AP2A2: variants seen among roughly 807,000 people sequenced by gnomAD.
AP2A2 encodes adaptor related protein complex 2 subunit alpha 2, also known as AP-2 complex subunit alpha-2.
AP2A2 carries 32 observed loss-of-function variants against 104.2 expected under a neutral mutation model. That is an observed-to-expected ratio of 0.31 (90% CI 0.23 to 0.41). The LOEUF (loss-of-function observed/expected upper bound fraction) is 0.41, where lower values mean the gene tolerates loss of function less well. AP2A2 is among the 10% of genes least tolerant of loss of function. The pLI is 1.00. For missense variants in AP2A2, 912 were observed against 1,261.0 expected (o/e 0.72, Z 4.19); for synonymous variants, 539 against 533.3 (o/e 1.01, Z -0.15).
At chr11:959,231 T>G (rs927714160) in intron 1 of AP2A2, among the ~76,000 whole-genome samples, 2 of 152,204 alleles carry the variant, frequency 1.3e-5, no homozygotes, top group Non-Finnish European at 2.9e-5. Flanking sequence ...GCACTCCCTT[T>G]CCCCTAGGCT....
chr11:977,005 C>T (rs910967465), intron 4 of AP2A2, 90 bp from the exon 5 acceptor site: 19 of 1,558,644 alleles, frequency 1.2e-5, no homozygotes, highest in South Asian at 5.9e-5. Flanking sequence ...GCCCCACCCC[C>T]GCGTCTCCTG....
intron 4 of AP2A2, among the ~76,000 whole-genome samples, chr11:974,706 G>T (rs1397477026): frequency 9.0e-6 from 1 of 111,458 alleles, no homozygotes; most frequent in Non-Finnish European, 2.0e-5. Context: ...AAAAAAGAAA[G>T]CTGGGCATGG....
intron 8 of AP2A2, among the ~76,000 whole-genome samples, chr11:986,291 C>G (rs1037879613): frequency 6.6e-6 from 1 of 152,236 alleles, no homozygotes; most frequent in African/African-American, 2.4e-5. Flanking sequence ...AGTCACACTT[C>G]AGAACTGAGA....
chr11:981,251 A>C lies in AP2A2; in HGVS notation c.657A>C (p.Pro219=), dbSNP rs1855227481. 1 of 1,613,638 alleles carries C rather than the reference A, an allele frequency of 6.2e-7. No homozygotes were observed. The highest frequency in any genetic ancestry group is 1.3e-5 in the African/African-American group (1 of 74,954). Residue 219 remains proline, a synonymous_variant, in exon 6 of 22, where the codon CCA becomes CCC. Coordinates refer to ENST00000448903, the MANE Select transcript of AP2A2 (RefSeq NM_012305.4). ...SLITTLAQKN[P]EEFKTSVSLA... is the part of the protein sequence containing the mutation. ...TCACCACTTTAGCACAGAAGAACCC[A>C]GAAGAGTTTAAAACCTCCGTGTCTC...
At chr11:975,178 G>T (rs1854979013) in intron 4 of AP2A2, among the ~76,000 whole-genome samples, 1 of 152,228 alleles carries the variant, frequency 6.6e-6, no homozygotes, top group African/African-American at 2.4e-5. Context: ...GGACGGAGTT[G>T]GTGGAAAGAG....
At chr11:1,007,293 CTG>C (rs1856243892) in intron 17 of AP2A2, 4 of 153,210 alleles carry the variant, frequency 2.6e-5, no homozygotes, top group African/African-American at 9.7e-5. Flanking sequence ...TTAATGCAGA[CTG>C]TTCAAGCTGT....
At chr11:943,556 T>C (rs1381402354) in intron 1 of AP2A2, among the ~76,000 whole-genome samples, 1 of 152,222 alleles carries the variant, frequency 6.6e-6, no homozygotes, top group Non-Finnish European at 1.5e-5. Context: ...AATAAGACAA[T>C]GTGAGGGGTG....
Position 925,898 on chromosome 11 carries a change from C to A in AP2A2, c.-124C>A. 1.5e-6 allele frequency: 1 copy of A among 666,022 alleles called. No individual in the cohort carries two copies. The highest frequency in any genetic ancestry group is 2.2e-6 in the Non-Finnish European group (1 of 462,764). 41.3% of individuals were successfully genotyped at this position (666,022 alleles called of 1,614,324 possible). On this transcript the variant is annotated 5_prime_UTR_variant, in exon 1 of 22. Transcript: ENST00000448903. Reference sequence around the variant, plus strand: ...AAGCGGCGCTGGGACCCTGAGGCGGCCGTGGTTAGGCGGCTCCCCGGCGGC... The same window carrying A: ...AAGCGGCGCTGGGACCCTGAGGCGGACGTGGTTAGGCGGCTCCCCGGCGGC...
At position 1,007,887 on chromosome 11, in the gene AP2A2, C is replaced by T. The variant is rs774673949; in HGVS notation, c.2297-125C>T. 45 of 1,409,278 alleles carry T rather than the reference C, an allele frequency of 3.2e-5. No homozygotes were observed. The South Asian group carries it at 4.0e-4, about 13-fold the overall frequency. The allele number at this position is 1,409,278 out of a possible 1,614,324, so 87.3% of individuals were successfully genotyped here. A position where few individuals can be genotyped will look rare whatever the true frequency, so the allele number is the denominator to read the frequency against. On this transcript the variant is annotated intron_variant, in intron 17 of 21. Transcript: ENST00000448903. ...CCGGGTGGTGTGGCTGCCCTCGACCCGTAGCTGGTGGTCCTAGAGTGTGGT... is the reference window on the plus strand; with the variant it reads ...CCGGGTGGTGTGGCTGCCCTCGACCTGTAGCTGGTGGTCCTAGAGTGTGGT...
At position 959,443 on chromosome 11, in the gene AP2A2, G is replaced by C; in HGVS notation, c.74G>C (p.Ser25Thr). The C allele has an allele frequency of 6.5e-7, 1 of 1,535,334 alleles. No homozygotes were observed. The highest frequency in any genetic ancestry group is 9.0e-7 in the Non-Finnish European group (1 of 1,115,802). Residue 25 changes from serine to threonine, a missense_variant, in exon 2 of 22, where the codon AGT (serine) becomes ACT (threonine). Transcript: ENST00000448903. ...TTTTTGTTCTTTTTTTTAGGTAAAA[G>C]TAAAGAAGCAGAAATAAAAAGGATA... is the stretch of plus-strand genomic sequence containing the variant. ...VFISDIRNCK[S>T]KEAEIKRINK...
intron 4 of AP2A2, among the ~76,000 whole-genome samples, chr11:976,427 C>T (rs1855040149): frequency 2.0e-5 from 3 of 152,150 alleles, no homozygotes; most frequent in Admixed American, 2.0e-4. Flanking sequence ...AAGAGACTGG[C>T]CCTTTTTCAG....
chr11:929,815 T>G (rs536522902), intron 1 of AP2A2, among the ~76,000 whole-genome samples: 65 of 149,932 alleles, frequency 4.3e-4, no homozygotes, highest in African/African-American at 1.6e-3. Flanking sequence ...AAAAAAAAAG[T>G]TTTTCCCCTC....
chr11:991,005 C>T (rs1005936614), intron 10 of AP2A2, among the ~76,000 whole-genome samples: 17 of 143,778 alleles, frequency 1.2e-4, no homozygotes, highest in African/African-American at 4.4e-4. Context: ...TTTAGCCGGG[C>T]ATGGTGCTCC....
intron 9 of AP2A2, among the ~76,000 whole-genome samples, chr11:987,670 T>A (rs1219549529): frequency 6.6e-6 from 1 of 151,540 alleles, no homozygotes; most frequent in Admixed American, 6.6e-5. Context: ...AAAAAAAAAA[T>A]TTCAGAGTTG....
In AP2A2 at chr11:992,542, G is replaced by A. The variant is rs765508017; in HGVS notation, c.1309G>A (p.Asp437Asn). 3.1e-6 allele frequency: 5 copies of A among 1,611,156 alleles called. No homozygotes were observed. Among genetic ancestry groups the A allele is most frequent in the Non-Finnish European group, 4.2e-6 (5 of 1,178,684 alleles). Residue 437 changes from aspartate to asparagine, a missense_variant, in exon 11 of 22, where the codon GAC becomes AAC. Around this residue, in one of 7 missense-constraint regions of AP2A2, gnomAD observed 350 missense variants for 487.0 expected, o/e 0.72. Transcript: ENST00000448903. The surrounding 1 kb of genome is among the most constrained non-coding windows in gnomAD (Gnocchi z 6.4). ...VAILAEKYAV[D>N]YTWYVDTILN... ...CATCCTGGCTGAGAAGTACGCGGTGGACTACACCTGGTATGTGGATACCAT... is the reference window on the plus strand; with the variant it reads ...CATCCTGGCTGAGAAGTACGCGGTGAACTACACCTGGTATGTGGATACCAT...
intron 5 of AP2A2, among the ~76,000 whole-genome samples, chr11:978,939 C>T (rs750664361): frequency 3.3e-5 from 5 of 151,984 alleles, no homozygotes; most frequent in Non-Finnish European, 4.4e-5. Flanking sequence ...GCATGGGCAC[C>T]GTGCCGAGCC....
chr11:969,287 A>G (rs919959108), intron 2 of AP2A2, among the ~76,000 whole-genome samples: 2 of 131,790 alleles, frequency 1.5e-5, no homozygotes, highest in Non-Finnish European at 3.1e-5. Flanking sequence ...CTGGAGTGCA[A>G]TGGTGTGGTC....
At position 1,011,436 on chromosome 11, in the gene AP2A2, G is replaced by T. The variant is rs753335326; in HGVS notation, c.*811G>T. ...TGGGCGTCCCCAGGCCACGGTGCAG[G>T]CCTGAGTCCTTCCACCGGCCCCGTC... On this transcript the variant is annotated 3_prime_UTR_variant, in exon 22 of 22. Coordinates refer to ENST00000448903, the MANE Select transcript of AP2A2 (RefSeq NM_012305.4). The T allele has an allele frequency of 1.4e-5, 7 of 502,724 alleles. No individual in the cohort carries two copies. The highest frequency in any genetic ancestry group is 1.0e-4 in the Admixed American group (5 of 48,528). 31.1% of individuals were successfully genotyped at this position (502,724 alleles called of 1,614,324 possible). A position where few individuals can be genotyped will look rare whatever the true frequency, so the allele number is the denominator to read the frequency against.
intron 10 of AP2A2, among the ~76,000 whole-genome samples, chr11:990,209 G>A (rs1855599580): frequency 6.6e-6 from 1 of 152,250 alleles, no homozygotes; most frequent in Non-Finnish European, 1.5e-5. Flanking sequence ...CCAGGACAGT[G>A]GGCCTGGGAA....
Sources: gnomAD v4.1 joint callset for allele counts (sites outside exome capture counted in the v4.1 genomes callset) on GRCh38, gnomAD v4.1.1 for gene constraint, gnomAD v4.1.1 regional missense constraint, Gnocchi (gnomAD v3.1) non-coding constraint, MANE v1.5 for transcripts, NCBI Gene and HGNC (gene_info 2026-07-23, HGNC 2026-07-21) for gene names.